The following BTRC variants were observed in gnomAD, a reference collection of about 807,000 sequenced individuals.
The protein encoded by BTRC is beta-transducin repeat containing E3 ubiquitin protein ligase, also known as F-box/WD repeat-containing protein 1A.
Under a neutral mutation model 85.5 loss-of-function variants are expected in BTRC, and 42 were observed. The ratio of observed to expected loss-of-function variants is 0.49; its 90% CI spans 0.38 to 0.64. BTRC has a LOEUF of 0.64. BTRC is among the 30% of genes least tolerant of loss of function. BTRC has a pLI of 0.00. For synonymous variants in BTRC, 255 were observed against 263.3 expected (o/e 0.97, Z 0.30); for missense variants, 594 against 743.5 (o/e 0.80, Z 2.34).
At chr10:101,357,073 G>A (rs796579545) in intron 1 of BTRC, among the ~76,000 whole-genome samples, 3 of 151,762 alleles carry the variant, frequency 2.0e-5, no homozygotes, top group African/African-American at 7.3e-5. Context: ...AGCTTGCAGT[G>A]AGCCAAGATC....
chr10:101,470,805 T>A (rs1185630298), intron 3 of BTRC, among the ~76,000 whole-genome samples: 1 of 152,156 alleles, frequency 6.6e-6, no homozygotes, highest in Non-Finnish European at 1.5e-5. Flanking sequence ...TGAAGTAGAG[T>A]TTGGGCTTCA....
chr10:101,505,157 G>GTATA (rs36139179), intron 4 of BTRC, among the ~76,000 whole-genome samples: 20,566 of 117,950 alleles, frequency 0.17, 2,188 homozygotes, highest in South Asian at 0.29. Flanking sequence ...ATATGTATAT[G>GTATA]TATATATATA....
At chr10:101,497,085 A>G (rs1400877992) in intron 4 of BTRC, among the ~76,000 whole-genome samples, 1 of 152,142 alleles carries the variant, frequency 6.6e-6, no homozygotes, top group Non-Finnish European at 1.5e-5. Context: ...TGATTTTTGT[A>G]TATGATGCGT....
chr10:101,534,317 A>G (rs919733036), intron 9 of BTRC, among the ~76,000 whole-genome samples: 1 of 152,218 alleles, frequency 6.6e-6, no homozygotes, highest in Non-Finnish European at 1.5e-5. Flanking sequence ...CCTGAGGGCT[A>G]TCATTGGAAT....
chr10:101,534,087 C>T (rs564632090), intron 9 of BTRC, among the ~76,000 whole-genome samples: 2 of 152,272 alleles, frequency 1.3e-5, no homozygotes, highest in East Asian at 3.9e-4. Context: ...CTCAAGCTAT[C>T]CAAGGGCCCC....
At chr10:101,413,135 T>G (rs1943828329) in intron 1 of BTRC, among the ~76,000 whole-genome samples, 1 of 152,018 alleles carries the variant, frequency 6.6e-6, no homozygotes, top group Admixed American at 6.6e-5. Context: ...TGTTTTGGGT[T>G]TGTTTTTGAG....
At chr10:101,485,207 C>T (rs981616272) in intron 4 of BTRC, among the ~76,000 whole-genome samples, 2 of 152,072 alleles carry the variant, frequency 1.3e-5, no homozygotes, top group Middle Eastern at 3.2e-3. Flanking sequence ...AAAAAAAGTC[C>T]AGACCCCAGC....
At chr10:101,366,265 A>G (rs1294029484) in intron 1 of BTRC, among the ~76,000 whole-genome samples, 2 of 151,976 alleles carry the variant, frequency 1.3e-5, no homozygotes, top group Non-Finnish European at 2.9e-5. Context: ...GTAATTTGAT[A>G]AAAAATGTGA....
At chr10:101,478,173 C>G (rs535602999) in intron 3 of BTRC, among the ~76,000 whole-genome samples, 3 of 151,770 alleles carry the variant, frequency 2.0e-5, no homozygotes, top group East Asian at 2.0e-4. Flanking sequence ...TGGTGGCAGG[C>G]GCCTGTAAGC....
In BTRC at chr10:101,491,260, A is replaced by G. The variant is rs573956984; in HGVS notation, c.324+11803A>G. Among the ~76,000 whole-genome samples, 8 of 152,208 alleles carry G rather than the reference A, an allele frequency of 5.3e-5. No individual in the cohort carries two copies. The South Asian group carries it at 1.7e-3, about 31-fold the overall frequency. On this transcript the variant is annotated intron_variant, in intron 4 of 14. Transcript: ENST00000370187. ...TTCAGGGTGGTGACTTACTTTAGTA[A>G]TTGTTTTAGAAGTTGTTTTGGAATA...
At chr10:101,545,462 G>A (rs981209670) in intron 13 of BTRC, among the ~76,000 whole-genome samples, 14 of 152,170 alleles carry the variant, frequency 9.2e-5, no homozygotes, top group African/African-American at 1.7e-4. Flanking sequence ...TTAACCACCA[G>A]TACCTCAGAA....
chr10:101,382,894 TTAAAG>T (rs1942971363), intron 1 of BTRC, among the ~76,000 whole-genome samples: 1 of 152,122 alleles, frequency 6.6e-6, no homozygotes, highest in Admixed American at 6.5e-5. Context: ...CTTAGACCAA[TTAAAG>T]TGTACTTTTT....
chr10:101,468,493 G>A (rs1473754379), intron 3 of BTRC, among the ~76,000 whole-genome samples: 1 of 152,090 alleles, frequency 6.6e-6, no homozygotes, highest in African/African-American at 2.4e-5. Flanking sequence ...AGCAGATGCA[G>A]CTTTGCATCT....
At position 101,526,148 on chromosome 10, in the gene BTRC, G is replaced by C; in HGVS notation, c.692G>C (p.Arg231Thr). The change falls in exon 6 of 15, where the codon AGA becomes ACA. Residue 231 changes from arginine (R) to threonine (T), a missense_variant. Physicochemically the swap from Arg to Thr is moderately conservative, Grantham distance 71. This residue lies in a region of BTRC where 373 missense variants were observed against 503.6 expected (regional missense o/e 0.74). Coordinates refer to ENST00000370187, the MANE Select transcript of BTRC (RefSeq NM_033637.4). ...DGMLWKKLIE[R>T]MVRTDSLWRG... ...ATGCTGTGGAAGAAGCTTATCGAGA[G>C]AATGGTCAGGACAGATTCTCTGTGG... is the stretch of plus-strand genomic sequence containing the variant. 6.2e-7 allele frequency: 1 copy of C among 1,614,198 alleles called. No homozygotes were observed. Among genetic ancestry groups the C allele is most frequent in the Non-Finnish European group, 8.5e-7 (1 of 1,180,028 alleles).
chr10:101,424,641 ATC>A (rs1944201331), intron 1 of BTRC, among the ~76,000 whole-genome samples: 1 of 152,192 alleles, frequency 6.6e-6, no homozygotes, highest in African/African-American at 2.4e-5. Flanking sequence ...CTGCAGGGCT[ATC>A]AGTGAAGAGG....
chr10:101,367,922 T>G (rs905164943), intron 1 of BTRC, among the ~76,000 whole-genome samples: 3 of 152,256 alleles, frequency 2.0e-5, no homozygotes, highest in African/African-American at 7.2e-5. Context: ...CAGTTTTTCC[T>G]TAAACATATG....
Position 101,512,865 on chromosome 10 carries a change from G to A in BTRC, c.325-8774G>A, listed in dbSNP as rs750151232. Among the ~76,000 whole-genome samples, 33 of 152,290 alleles carry A rather than the reference G, an allele frequency of 2.2e-4. 1 individual carries two copies. Among genetic ancestry groups the A allele is most frequent in the Admixed American group, 1.7e-3 (26 of 15,294 alleles). ...ACTGTTCACTATAAACAAAAAAGAA[G>A]AGGGAGATGTGCAGGGGTGGCAGAA... On this transcript the variant is annotated intron_variant, in intron 4 of 14. Coordinates refer to ENST00000370187, the MANE Select transcript of BTRC (RefSeq NM_033637.4).
intron 2 of BTRC, among the ~76,000 whole-genome samples, chr10:101,451,323 A>G (rs1005260639): frequency 2.6e-5 from 4 of 152,080 alleles, no homozygotes; most frequent in African/African-American, 9.7e-5. Flanking sequence ...TATTTTCAAG[A>G]ATCTGATTTT....
chr10:101,460,883 G>A (rs1298971727), intron 2 of BTRC, among the ~76,000 whole-genome samples: 1 of 152,022 alleles, frequency 6.6e-6, no homozygotes, highest in African/African-American at 2.4e-5. Flanking sequence ...GTAATGTAAG[G>A]AATATATTAA....
Sources: allele counts gnomAD v4.1 joint callset (sites outside exome capture counted in the v4.1 genomes callset), GRCh38; gene constraint gnomAD v4.1.1; regional missense constraint gnomAD v4.1.1; transcripts MANE v1.5; gene names NCBI Gene and HGNC (gene_info 2026-07-23, HGNC 2026-07-21).